CAMTA1: variants seen among roughly 807,000 people sequenced by gnomAD.
The protein encoded by CAMTA1 is calmodulin binding transcription activator 1.
A neutral mutation model predicts 170.9 loss-of-function variants in CAMTA1; 27 were observed. That is an observed-to-expected ratio of 0.16 (90% CI 0.12 to 0.22). The LOEUF (loss-of-function observed/expected upper bound fraction) is 0.22, where lower values mean the gene tolerates loss of function less well. CAMTA1 is among the 10% of genes least tolerant of loss of function. The pLI is 1.00. For missense variants in CAMTA1, 1,619 were observed against 2,217.2 expected (o/e 0.73, Z 5.42); for synonymous variants, 833 against 891.5 (o/e 0.93, Z 1.17).
At chr1:7,527,409 G>T (rs534813012) in intron 6 of CAMTA1, among the ~76,000 whole-genome samples, 2 of 152,190 alleles carry the variant, frequency 1.3e-5, no homozygotes, top group Middle Eastern at 3.2e-3. Flanking sequence ...GACAAGCAGC[G>T]CCAGGTCAAC....
In CAMTA1 at chr1:7,643,384, C is replaced by T. The variant is rs1320217122; in HGVS notation, c.664+2831C>T. The stretch of plus-strand genomic sequence containing the variant: ...GCCAGAGATTAGCCAAGGAGGTTCT[C>T]CCAAGGGAAAAGATGCCTTTCAAGG... On this transcript the variant is annotated intron_variant, in intron 7 of 22. Transcript: ENST00000303635. Among the ~76,000 whole-genome samples the T allele has an allele frequency of 4.6e-5, 7 of 152,312 alleles. No individual in the cohort carries two copies. The East Asian group carries it at 1.4e-3, about 29-fold the overall frequency.
chr1:7,669,749 C>T (rs1343840193), intron 9 of CAMTA1, among the ~76,000 whole-genome samples: 2 of 152,180 alleles, frequency 1.3e-5, no homozygotes, highest in African/African-American at 2.4e-5. Flanking sequence ...GGGGTGGGTC[C>T]ACCCAAGGTT....
chr1:7,066,734 C>T (rs139368868), intron 3 of CAMTA1, among the ~76,000 whole-genome samples: 123 of 152,328 alleles, frequency 8.1e-4, no homozygotes, highest in African/African-American at 2.8e-3. Flanking sequence ...CGACACGGGA[C>T]GGTCAGCTTC....
chr1:7,647,690 T>C (rs980602158), intron 7 of CAMTA1, among the ~76,000 whole-genome samples: 8 of 152,136 alleles, frequency 5.3e-5, no homozygotes, highest in African/African-American at 1.9e-4. Flanking sequence ...CCTGATCCAG[T>C]ATCACCTGGC....
intron 6 of CAMTA1, among the ~76,000 whole-genome samples, chr1:7,498,575 G>T (rs2093883891): frequency 6.6e-6 from 1 of 152,126 alleles, no homozygotes; most frequent in African/African-American, 2.4e-5. Context: ...GCATGTATAT[G>T]CATGTGCATG....
At chr1:7,750,094 C>G (rs1057244875) in intron 19 of CAMTA1, among the ~76,000 whole-genome samples, 1 of 152,180 alleles carries the variant, frequency 6.6e-6, no homozygotes, top group Admixed American at 6.5e-5. Flanking sequence ...CACTGTGGCC[C>G]GATGGGTCTG....
chr1:7,397,714 C>A (rs2089443405), intron 5 of CAMTA1, among the ~76,000 whole-genome samples: 1 of 151,868 alleles, frequency 6.6e-6, no homozygotes, highest in African/African-American at 2.4e-5. Flanking sequence ...TTTAATTTGT[C>A]CCAAGAATTT....
At chr1:7,288,259 C>T (rs1323396394) in intron 5 of CAMTA1, among the ~76,000 whole-genome samples, 1 of 152,162 alleles carries the variant, frequency 6.6e-6, no homozygotes, top group Non-Finnish European at 1.5e-5. Context: ...CAGTTCATTC[C>T]CACACAAAGA....
At chr1:7,459,674 C>T (rs1408415030) in intron 5 of CAMTA1, among the ~76,000 whole-genome samples, 1 of 152,222 alleles carries the variant, frequency 6.6e-6, no homozygotes, top group Non-Finnish European at 1.5e-5. Flanking sequence ...AGGTGCTGCC[C>T]TACCCCACTG....
In CAMTA1 at chr1:7,286,194, G is replaced by C. The variant is rs923588415; in HGVS notation, c.438+36568G>C. On this transcript the variant is annotated intron_variant, in intron 5 of 22. Coordinates refer to ENST00000303635, the MANE Select transcript of CAMTA1 (RefSeq NM_015215.4). This position sits in a 1 kb window ranked among gnomAD's most constrained non-coding sequence, Gnocchi z 4.2. ...GCAGAGAGGAAAGACCTCACAGGGA[G>C]ATTGGCATGTGATTGGGCCCTGAAG... is the stretch of plus-strand genomic sequence containing the variant. 2.6e-5 allele frequency among the ~76,000 whole-genome samples: 4 copies of C among 152,172 alleles called. No individual in the cohort carries two copies. In the South Asian group the frequency reaches 8.3e-4, roughly 32 times the overall value.
At chr1:7,527,713 G>A (rs1557867070) in intron 6 of CAMTA1, among the ~76,000 whole-genome samples, 2 of 152,182 alleles carry the variant, frequency 1.3e-5, no homozygotes, top group Non-Finnish European at 1.5e-5. Flanking sequence ...GCCTCGACCC[G>A]GAGATAGGGA....
At chr1:7,432,485 T>C (rs2092206585) in intron 5 of CAMTA1, among the ~76,000 whole-genome samples, 1 of 152,112 alleles carries the variant, frequency 6.6e-6, no homozygotes, top group Non-Finnish European at 1.5e-5. Flanking sequence ...CAGAGACCAT[T>C]CTATGCAGCA....
At chr1:6,807,023 TA>T in intron 1 of CAMTA1, 1 of 673,560 alleles carries the variant, frequency 1.5e-6, no homozygotes, top group Non-Finnish European at 2.7e-6. Flanking sequence ...CTTATGGAGC[TA>T]AGGGGGAGAC....
intron 3 of CAMTA1, among the ~76,000 whole-genome samples, chr1:6,855,727 CAG>C (rs1553165879): frequency 2.0e-5 from 3 of 152,018 alleles, no homozygotes; most frequent in Non-Finnish European, 4.4e-5. Context: ...CTAATTATAA[CAG>C]GGAATCGAAG....
At chr1:7,502,340 G>A (rs1164654931) in intron 6 of CAMTA1, among the ~76,000 whole-genome samples, 1 of 152,200 alleles carries the variant, frequency 6.6e-6, no homozygotes, top group African/African-American at 2.4e-5. Flanking sequence ...GGCTGTGTGT[G>A]GAATTTTTAT....
At chr1:7,670,238 T>TCAGCCCCGTTCCACTCC (rs2096046686) in intron 9 of CAMTA1, among the ~76,000 whole-genome samples, 3 of 152,126 alleles carry the variant, frequency 2.0e-5, no homozygotes, top group Non-Finnish European at 4.4e-5. Context: ...GGGCAGATGC[T>TCAGCCCCGTTCCACTCC]CAGCCCCGTT....
intron 3 of CAMTA1, among the ~76,000 whole-genome samples, chr1:6,914,052 C>T (rs1404990934): frequency 6.6e-6 from 1 of 151,524 alleles, no homozygotes; most frequent in Non-Finnish European, 1.5e-5. Flanking sequence ...TCCATTTGAG[C>T]ATCTGCCTCC....
At chr1:7,730,617 C>G (rs1398198406) in intron 11 of CAMTA1, among the ~76,000 whole-genome samples, 1 of 152,164 alleles carries the variant, frequency 6.6e-6, no homozygotes, top group Non-Finnish European at 1.5e-5. Context: ...TGAGGTGTGG[C>G]CAGGCACGGG....
chr1:7,599,436 T>G (rs2095424181), intron 6 of CAMTA1, among the ~76,000 whole-genome samples: 1 of 152,208 alleles, frequency 6.6e-6, no homozygotes, highest in Non-Finnish European at 1.5e-5. Flanking sequence ...CTTTTCTTGT[T>G]CCATATGAAC....
Sources: gnomAD v4.1 joint callset for allele counts (sites outside exome capture counted in the v4.1 genomes callset) on GRCh38, gnomAD v4.1.1 for gene constraint, Gnocchi (gnomAD v3.1) non-coding constraint, MANE v1.5 for transcripts, NCBI Gene and HGNC (gene_info 2026-07-23, HGNC 2026-07-21) for gene names.